The following ARB2A variants were observed in gnomAD, a reference collection of about 807,000 sequenced individuals.
The protein encoded by ARB2A is cotranscriptional regulator ARB2A.
At chr5:94,023,903 A>G in the ARB2A span, among the ~76,000 whole-genome samples, 3 of 152,192 alleles carry the variant, frequency 2.0e-5, no homozygotes, top group Non-Finnish European at 4.4e-5. Flanking sequence ...GCTGAAATAC[A>G]TATCAACCTT....
At chr5:94,099,113 C>T in the ARB2A span, among the ~76,000 whole-genome samples, 3 of 152,158 alleles carry the variant, frequency 2.0e-5, no homozygotes, top group African/African-American at 7.2e-5. Context: ...AAGGACTTCT[C>T]CCCAACTCAT....
chr5:94,056,012 T>C, the ARB2A span: 7 of 704,218 alleles, frequency 9.9e-6, no homozygotes, highest in African/African-American at 1.4e-4. Flanking sequence ...ACAAGTATTA[T>C]CATATTCACT....
At chr5:93,711,770 T>C in the ARB2A span, among the ~76,000 whole-genome samples, 3 of 152,396 alleles carry the variant, frequency 2.0e-5, no homozygotes, top group Middle Eastern at 3.4e-3. Context: ...TGTGAAAACC[T>C]GCAGCTTCGC....
chr5:94,069,226 T>TA, the ARB2A span, among the ~76,000 whole-genome samples: 3 of 152,130 alleles, frequency 2.0e-5, no homozygotes, highest in Non-Finnish European at 4.4e-5. Context: ...CTGGAAAAAC[T>TA]AAATATCTAT....
At chr5:93,914,051 G>A in the ARB2A span, among the ~76,000 whole-genome samples, 1 of 151,870 alleles carries the variant, frequency 6.6e-6, no homozygotes, top group Non-Finnish European at 1.5e-5. Flanking sequence ...CAATCCCGCA[G>A]ATTTAGACTA....
chr5:93,969,316 T>C, the ARB2A span, among the ~76,000 whole-genome samples: 1 of 152,062 alleles, frequency 6.6e-6, no homozygotes, highest in Non-Finnish European at 1.5e-5. Context: ...TGTTATAAGG[T>C]ACTTGTACTA....
At chr5:94,038,690 G>A in the ARB2A span, among the ~76,000 whole-genome samples, 7 of 151,532 alleles carry the variant, frequency 4.6e-5, no homozygotes, top group Non-Finnish European at 8.8e-5. Flanking sequence ...AATTCCTACT[G>A]AATGACTGCT....
At chr5:93,740,655 G>C in the ARB2A span, 1 of 1,613,908 alleles carries the variant, frequency 6.2e-7, no homozygotes, top group Non-Finnish European at 8.5e-7. Flanking sequence ...GTGTATAGTG[G>C]GGGATATCCA....
the ARB2A span, among the ~76,000 whole-genome samples, chr5:93,653,553 A>AAAAAAAC: frequency 7.7e-6 from 1 of 130,070 alleles, no homozygotes; most frequent in African/African-American, 3.0e-5. Context: ...AAAAAAAAAA[A>AAAAAAAC]AAAGACATTA....
At chr5:93,842,043 G>A in the ARB2A span, among the ~76,000 whole-genome samples, 2 of 152,134 alleles carry the variant, frequency 1.3e-5, no homozygotes, top group African/African-American at 4.8e-5. Flanking sequence ...CTAAGAGAAA[G>A]AAGCTAGACA....
the ARB2A span, among the ~76,000 whole-genome samples, chr5:93,768,441 T>G: frequency 2.0e-5 from 3 of 151,000 alleles, no homozygotes; most frequent in South Asian, 6.3e-4. Context: ...CTGACATAGA[T>G]GCAAGACCCC....
the ARB2A span, among the ~76,000 whole-genome samples, chr5:93,792,156 A>G: frequency 7.9e-5 from 12 of 152,208 alleles, no homozygotes; most frequent in African/African-American, 1.2e-4. Flanking sequence ...TAATAAGAAA[A>G]TAGTATAAGT....
the ARB2A span, among the ~76,000 whole-genome samples, chr5:93,838,519 T>C: frequency 6.6e-6 from 1 of 152,022 alleles, no homozygotes; most frequent in Non-Finnish European, 1.5e-5. Flanking sequence ...AAAATAGTTC[T>C]TTTTCTGTGA....
At chr5:93,953,780 G>A in the ARB2A span, among the ~76,000 whole-genome samples, 22 of 152,184 alleles carry the variant, frequency 1.4e-4, no homozygotes, top group African/African-American at 5.3e-4. Context: ...AGGGCATAGA[G>A]TCAGATACTC....
chr5:93,657,489 G>GA, the ARB2A span, among the ~76,000 whole-genome samples: 1 of 152,054 alleles, frequency 6.6e-6, no homozygotes, highest in Non-Finnish European at 1.5e-5. Flanking sequence ...AGAAATGTTA[G>GA]AAAAAAATCA....
the ARB2A span, among the ~76,000 whole-genome samples, chr5:93,772,359 T>C: frequency 1.2e-4 from 19 of 152,184 alleles, no homozygotes; most frequent in African/African-American, 3.4e-4. Flanking sequence ...TAATGCTAAA[T>C]GACGAGTTAA....
At chr5:93,847,437 T>C in the ARB2A span, among the ~76,000 whole-genome samples, 1 of 152,322 alleles carries the variant, frequency 6.6e-6, no homozygotes, top group Admixed American at 6.5e-5. Flanking sequence ...TTTACCATTC[T>C]ATTTAAAAAA....
chr5:93,986,296 C>T, the ARB2A span, among the ~76,000 whole-genome samples: 13 of 150,618 alleles, frequency 8.6e-5, no homozygotes, highest in Non-Finnish European at 1.5e-4. Flanking sequence ...GGGGCGCCCC[C>T]GCCCAGCAGC....
At chr5:94,022,125 C>T in the ARB2A span, among the ~76,000 whole-genome samples, 5 of 151,886 alleles carry the variant, frequency 3.3e-5, no homozygotes, top group South Asian at 4.2e-4. Flanking sequence ...AACCAACAGG[C>T]GGAGGTTGCA....
Sources: gnomAD v4.1 joint callset for allele counts (sites outside exome capture counted in the v4.1 genomes callset) on GRCh38, gnomAD v4.1.1 for gene constraint, MANE v1.5 for transcripts, NCBI Gene and HGNC (gene_info 2026-07-23, HGNC 2026-07-21) for gene names.